NRXN1: variants seen among roughly 807,000 people sequenced by gnomAD.
NRXN1 encodes the protein neurexin-1.
NRXN1 carries 39 observed loss-of-function variants against 150.9 expected under a neutral mutation model. The observed-to-expected ratio is 0.26, with a 90% CI of 0.20 to 0.34. The LOEUF is 0.34. Among genes scored for constraint, NRXN1 ranks in the 10% least tolerant of loss-of-function variants. The pLI is 1.00. For synonymous variants in NRXN1, 924 were observed against 757.0 expected, an observed-to-expected ratio of 1.22 and a Z score of -3.62; for missense variants, 1,815 against 1,949.9, an observed-to-expected ratio of 0.93 and a Z score of 1.30.
intron 17 of NRXN1, among the ~76,000 whole-genome samples, chr2:50,392,641 A>C (rs1360914237): frequency 6.6e-6 from 1 of 152,204 alleles, no homozygotes; most frequent in East Asian, 1.9e-4. Context: ...TAGAGGACAA[A>C]GAGAAAGCTC....
At position 50,147,773 on chromosome 2, in the gene NRXN1, A is replaced by C. The variant is rs181922279; in HGVS notation, c.3547-56279T>G. Among the ~76,000 whole-genome samples the C allele has an allele frequency of 2.0e-5, 3 of 151,886 alleles. No individual in the cohort carries two copies. In the East Asian group the frequency reaches 5.8e-4, roughly 29 times the overall value. On this transcript the variant is annotated intron_variant, in intron 18 of 22. Coordinates refer to ENST00000401669, the MANE Select transcript of NRXN1 (RefSeq NM_001330078.2). ...TTCTAACATGAAGTAAACCTTAACC[A>C]CAGGCTTCTTCTTTCAGAAAAGCAA...
intron 2 of NRXN1, among the ~76,000 whole-genome samples, chr2:51,021,159 TA>T (rs1669543476): frequency 1.3e-5 from 2 of 152,004 alleles, no homozygotes; most frequent in Non-Finnish European, 1.5e-5. Flanking sequence ...CAAAAAACTT[TA>T]AAAAATATAA....
chr2:50,117,553 G>C (rs1026256451), intron 18 of NRXN1, among the ~76,000 whole-genome samples: 13 of 152,184 alleles, frequency 8.5e-5, no homozygotes, highest in African/African-American at 3.1e-4. Context: ...ATACAGAATA[G>C]ACAAACACCA....
At chr2:50,566,140 C>T (rs1165463476) in intron 8 of NRXN1, among the ~76,000 whole-genome samples, 1 of 152,170 alleles carries the variant, frequency 6.6e-6, no homozygotes, top group Non-Finnish European at 1.5e-5. Flanking sequence ...TCTTCTATTT[C>T]GGTTGTATGT....
At position 49,955,857 on chromosome 2, in the gene NRXN1, C is replaced by A. The variant is rs1452178579; in HGVS notation, c.4129-12066G>T. On this transcript the variant is annotated intron_variant, in intron 21 of 22. Transcript: ENST00000401669. ...CAGAATGCACTAATCAAATCTATATCTACTGATTCTGCCATTCATTCATTC... is the reference window on the plus strand; with the variant it reads ...CAGAATGCACTAATCAAATCTATATATACTGATTCTGCCATTCATTCATTC... Among the ~76,000 whole-genome samples the A allele has an allele frequency of 7.2e-5, 11 of 152,044 alleles. No individual in the cohort carries two copies. In the East Asian group the frequency reaches 1.2e-3, roughly 16 times the overall value.
At chr2:50,809,748 G>C (rs1667965869) in intron 5 of NRXN1, among the ~76,000 whole-genome samples, 1 of 152,124 alleles carries the variant, frequency 6.6e-6, no homozygotes, top group Admixed American at 6.5e-5. Flanking sequence ...AAGAGAACCA[G>C]ATCAAGGTCA....
At chr2:50,895,979 C>G (rs1336877629) in intron 5 of NRXN1, among the ~76,000 whole-genome samples, 3 of 152,056 alleles carry the variant, frequency 2.0e-5, no homozygotes, top group Non-Finnish European at 4.4e-5. Context: ...TCCCAAATTT[C>G]AAATTTTGGA....
At chr2:50,835,659 C>T (rs1433067009) in intron 5 of NRXN1, among the ~76,000 whole-genome samples, 3 of 151,618 alleles carry the variant, frequency 2.0e-5, no homozygotes, top group African/African-American at 7.3e-5. Context: ...TATATTAATC[C>T]TAAATGAATA....
At chr2:50,868,839 C>A (rs889793214) in intron 5 of NRXN1, among the ~76,000 whole-genome samples, 2 of 151,752 alleles carry the variant, frequency 1.3e-5, no homozygotes, top group Admixed American at 6.6e-5. Flanking sequence ...CACTTAAATT[C>A]AAAGTATAAA....
intron 19 of NRXN1, among the ~76,000 whole-genome samples, chr2:50,069,930 A>G (rs1232041323): frequency 6.7e-6 from 1 of 148,462 alleles, no homozygotes; most frequent in African/African-American, 2.5e-5. Flanking sequence ...GGCTCACTGC[A>G]AGCTCCACCT....
At chr2:50,127,855 G>C (rs1311937377) in intron 18 of NRXN1, among the ~76,000 whole-genome samples, 1 of 152,152 alleles carries the variant, frequency 6.6e-6, no homozygotes, top group Admixed American at 6.5e-5. Flanking sequence ...AAAAGAAAAA[G>C]AGTCAGGGAA....
chr2:50,526,539 G>A (rs151233947), intron 12 of NRXN1, among the ~76,000 whole-genome samples: 78 of 152,248 alleles, frequency 5.1e-4, no homozygotes, highest in African/African-American at 1.8e-3. Flanking sequence ...TGCACTCCAG[G>A]TAGAAATCAC....
intron 2 of NRXN1, chr2:50,985,304 A>G (rs1177161625): frequency 6.6e-6 from 1 of 151,954 alleles, no homozygotes; most frequent in East Asian, 1.9e-4. Context: ...ACTTTAAAAG[A>G]GCTATGCCAA....
chr2:50,498,789 TA>T (rs2091786032), intron 13 of NRXN1, among the ~76,000 whole-genome samples: 1 of 152,224 alleles, frequency 6.6e-6, no homozygotes, highest in Non-Finnish European at 1.5e-5. Context: ...TGCTCTTGTC[TA>T]AATAAACTGT....
chr2:50,186,248 C>A (rs2061063122), intron 18 of NRXN1, among the ~76,000 whole-genome samples: 2 of 151,982 alleles, frequency 1.3e-5, no homozygotes. Flanking sequence ...GCTCAACTAA[C>A]AAGGGAATCT....
intron 5 of NRXN1, among the ~76,000 whole-genome samples, chr2:50,682,688 T>C (rs1314597322): frequency 1.3e-5 from 2 of 152,142 alleles, no homozygotes; most frequent in African/African-American, 2.4e-5. Context: ...AATGGGCTGA[T>C]ACAGATTGCA....
At chr2:50,259,306 A>G (rs188777122) in intron 17 of NRXN1, among the ~76,000 whole-genome samples, 1 of 152,040 alleles carries the variant, frequency 6.6e-6, no homozygotes, top group Non-Finnish European at 1.5e-5. Flanking sequence ...TGCAGCTTCT[A>G]CATCAGGACT....
intron 17 of NRXN1, among the ~76,000 whole-genome samples, chr2:50,303,369 C>G (rs987176649): frequency 6.6e-6 from 1 of 152,182 alleles, no homozygotes; most frequent in African/African-American, 2.4e-5. Flanking sequence ...AATATCAAGA[C>G]AGTTTGGCTG....
chr2:50,261,388 T>A (rs1315714738), intron 17 of NRXN1, among the ~76,000 whole-genome samples: 1 of 151,814 alleles, frequency 6.6e-6, no homozygotes, highest in East Asian at 1.9e-4. Flanking sequence ...GGAGTTAAAT[T>A]GAAAGGTGAC....
Sources: allele counts gnomAD v4.1 joint callset (sites outside exome capture counted in the v4.1 genomes callset), GRCh38; gene constraint gnomAD v4.1.1; transcripts MANE v1.5; gene names NCBI Gene and HGNC (gene_info 2026-07-23, HGNC 2026-07-21).